Variants in LRRTM3 observed in about 807,000 individuals in gnomAD.
The protein encoded by LRRTM3 is leucine-rich repeat transmembrane neuronal protein 3.
In LRRTM3, 24 loss-of-function variants were observed where a neutral mutation model predicts 44.7. That is an observed-to-expected ratio of 0.54 (90% CI 0.39 to 0.76). The LOEUF (loss-of-function observed/expected upper bound fraction) is 0.76. Among genes scored for constraint, LRRTM3 ranks in the 30% least tolerant of loss-of-function variants. LRRTM3 has a pLI of 0.00. For missense variants in LRRTM3, 587 were observed against 702.2 expected (o/e 0.84, Z 1.85); for synonymous variants, 277 against 278.7 (o/e 0.99, Z 0.06).
intron 2 of LRRTM3, among the ~76,000 whole-genome samples, chr10:67,061,305 A>C (rs929940645): frequency 6.6e-6 from 1 of 152,192 alleles, no homozygotes; most frequent in African/African-American, 2.4e-5. Context: ...AAGTTACATC[A>C]GGTGCATATT....
chr10:67,023,463 C>A (rs190216135), intron 2 of LRRTM3, among the ~76,000 whole-genome samples: 1 of 152,070 alleles, frequency 6.6e-6, no homozygotes, highest in South Asian at 2.1e-4. Context: ...CTATAGAGAA[C>A]GATGACTAAA....
intron 2 of LRRTM3, among the ~76,000 whole-genome samples, chr10:66,994,608 T>A (rs73317128): frequency 1.9e-4 from 29 of 152,312 alleles, no homozygotes; most frequent in African/African-American, 7.0e-4. Context: ...TTCAATTCTT[T>A]ACTCTCAACA....
intron 2 of LRRTM3, among the ~76,000 whole-genome samples, chr10:66,950,487 C>T (rs937358727): frequency 1.6e-4 from 25 of 151,884 alleles, no homozygotes; most frequent in African/African-American, 6.0e-4. Context: ...CACTGAGACT[C>T]TAGTATATTA....
chr10:66,962,206 ACAATGCCT>A (rs1484127552), intron 2 of LRRTM3, among the ~76,000 whole-genome samples: 1 of 152,166 alleles, frequency 6.6e-6, no homozygotes, highest in Non-Finnish European at 1.5e-5. Context: ...CAAAGTAATT[ACAATGCCT>A]CAAGGCCTAA....
chr10:66,942,516 C>T (rs1474410363), intron 2 of LRRTM3, among the ~76,000 whole-genome samples: 2 of 151,676 alleles, frequency 1.3e-5, no homozygotes, highest in African/African-American at 4.8e-5. Context: ...TTCCATTATC[C>T]TACAAATCTC....
In LRRTM3 at chr10:67,069,160, G is replaced by C. The variant is rs575572016; in HGVS notation, c.1537-28427G>C. On this transcript the variant is annotated intron_variant, in intron 2 of 2. Transcript: ENST00000361320. ...GGAAATGGGAGGTAAACTGGCAACA[G>C]TGAAAGTAGGCTATAGTCTCAAACT... is the stretch of plus-strand genomic sequence containing the variant. 2.6e-5 allele frequency among the ~76,000 whole-genome samples: 4 copies of C among 152,156 alleles called. No individual in the cohort carries two copies. The East Asian group carries it at 7.7e-4, about 29-fold the overall frequency.
intron 2 of LRRTM3, among the ~76,000 whole-genome samples, chr10:66,989,187 C>T (rs1393328959): frequency 1.3e-5 from 2 of 151,980 alleles, no homozygotes; most frequent in African/African-American, 4.8e-5. Context: ...AATGCCAAGC[C>T]CTTATTCCTC....
At chr10:67,050,899 C>T (rs1420033475) in intron 2 of LRRTM3, among the ~76,000 whole-genome samples, 2 of 152,096 alleles carry the variant, frequency 1.3e-5, no homozygotes, top group African/African-American at 2.4e-5. Context: ...ACAAATGATT[C>T]TTTATTTGCC....
intron 2 of LRRTM3, among the ~76,000 whole-genome samples, chr10:67,021,770 T>C (rs1187234422): frequency 6.6e-6 from 1 of 152,188 alleles, no homozygotes; most frequent in Non-Finnish European, 1.5e-5. Context: ...ATAAGTAATT[T>C]AAAGCATTAA....
chr10:67,060,141 C>A (rs966884645), intron 2 of LRRTM3, among the ~76,000 whole-genome samples: 1 of 152,022 alleles, frequency 6.6e-6, no homozygotes, highest in Non-Finnish European at 1.5e-5. Flanking sequence ...CATGGCGAAA[C>A]CCCATCTCCA....
intron 2 of LRRTM3, among the ~76,000 whole-genome samples, chr10:67,031,160 T>C (rs952786126): frequency 2.0e-5 from 3 of 152,242 alleles, no homozygotes; most frequent in Non-Finnish European, 4.4e-5. Flanking sequence ...AAAGTTGTAT[T>C]ATTCCAGGTA....
chr10:66,996,458 C>A (rs185712754), intron 2 of LRRTM3, among the ~76,000 whole-genome samples: 2 of 151,898 alleles, frequency 1.3e-5, no homozygotes, highest in South Asian at 4.2e-4. Flanking sequence ...CCAGGCTGGG[C>A]AATATGGTGA....
At position 67,085,538 on chromosome 10, in the gene LRRTM3, T is replaced by A. The variant is rs1857256634; in HGVS notation, c.1537-12049T>A. Among the ~76,000 whole-genome samples, 9 of 151,992 alleles carry A rather than the reference T, an allele frequency of 5.9e-5. No homozygotes were observed. In the South Asian group the frequency reaches 1.9e-3, roughly 31 times the overall value. On this transcript the variant is annotated intron_variant, in intron 2 of 2. Transcript: ENST00000361320. ...TATGTGTGCTCATAAAATTTAGAAGTTGATCTTTATTAAAATATCAACAAG... is the reference window on the plus strand; with the variant it reads ...TATGTGTGCTCATAAAATTTAGAAGATGATCTTTATTAAAATATCAACAAG...
At chr10:67,018,272 T>A (rs192076220) in intron 2 of LRRTM3, among the ~76,000 whole-genome samples, 1 of 152,238 alleles carries the variant, frequency 6.6e-6, no homozygotes, top group East Asian at 1.9e-4. Flanking sequence ...CTACAGCAAA[T>A]GTCTATGTTT....
intron 2 of LRRTM3, among the ~76,000 whole-genome samples, chr10:66,965,055 A>G (rs1849323898): frequency 1.3e-5 from 2 of 152,094 alleles, no homozygotes; most frequent in African/African-American, 4.8e-5. Flanking sequence ...TTCCTTCCTA[A>G]AACTTCCTGC....
chr10:67,009,303 G>T (rs555841514), intron 2 of LRRTM3, among the ~76,000 whole-genome samples: 32 of 150,944 alleles, frequency 2.1e-4, no homozygotes, highest in Non-Finnish European at 4.6e-4. Flanking sequence ...GTGTTTTTGT[G>T]CATTTGAACT....
At chr10:66,978,552 A>AAAAAATATATATATATAT in intron 2 of LRRTM3, among the ~76,000 whole-genome samples, 19 of 37,882 alleles carry the variant, frequency 5.0e-4, no homozygotes, top group South Asian at 1.2e-3. Context: ...AAAAAAAAAA[A>AAAAAATATATATATATAT]ATATATATAT....
intron 2 of LRRTM3, among the ~76,000 whole-genome samples, chr10:67,037,688 T>C (rs1854148970): frequency 6.6e-6 from 1 of 152,186 alleles, no homozygotes; most frequent in Non-Finnish European, 1.5e-5. Flanking sequence ...ATTTTTAGAA[T>C]GGAGTATTGA....
intron 2 of LRRTM3, among the ~76,000 whole-genome samples, chr10:66,947,011 A>G (rs1408827857): frequency 6.6e-6 from 1 of 152,118 alleles, no homozygotes; most frequent in African/African-American, 2.4e-5. Context: ...CACTGAGGTA[A>G]TCATCTTTTT....
Sources: gnomAD v4.1 joint callset for allele counts (sites outside exome capture counted in the v4.1 genomes callset) on GRCh38, gnomAD v4.1.1 for gene constraint, MANE v1.5 for transcripts, NCBI Gene and HGNC (gene_info 2026-07-23, HGNC 2026-07-21) for gene names.